Variants in KCNK2 observed in about 807,000 individuals in gnomAD.
KCNK2 encodes the protein potassium channel subfamily K member 2.
Under a neutral mutation model 40.5 loss-of-function variants are expected in KCNK2, and 21 were observed. The observed-to-expected ratio is 0.52, with a 90% CI of 0.37 to 0.75. KCNK2 has a LOEUF of 0.75. KCNK2 is among the 30% of genes least tolerant of loss of function. The probability of loss-of-function intolerance (pLI) is 0.00; values close to 1 mark genes in which losing one functional copy is unlikely to be tolerated. For synonymous variants in KCNK2, 191 were observed against 202.2 expected (o/e 0.94, Z 0.47); for missense variants, 399 against 531.6 (o/e 0.75, Z 2.45).
At chr1:215,072,973 G>T (rs1386875394) in intron 1 of KCNK2, among the ~76,000 whole-genome samples, 3 of 152,138 alleles carry the variant, frequency 2.0e-5, no homozygotes, top group Admixed American at 6.5e-5. Context: ...CAGAGGTAAT[G>T]AAGTTAAAAT....
intron 3 of KCNK2, among the ~76,000 whole-genome samples, chr1:215,139,727 A>C (rs1194732234): frequency 6.6e-6 from 1 of 152,160 alleles, no homozygotes; most frequent in Non-Finnish European, 1.5e-5. Flanking sequence ...AGGTTCAAAA[A>C]AAAAGTATAT....
intron 4 of KCNK2, among the ~76,000 whole-genome samples, chr1:215,169,628 T>C (rs1168498538): frequency 8.1e-6 from 1 of 122,952 alleles, no homozygotes; most frequent in South Asian, 2.4e-4. Flanking sequence ...TTCTTTTACT[T>C]TTTTCTTTTT....
At chr1:215,074,448 A>C (rs1256862325) in intron 1 of KCNK2, among the ~76,000 whole-genome samples, 1 of 152,194 alleles carries the variant, frequency 6.6e-6, no homozygotes, top group African/African-American at 2.4e-5. Context: ...TTCATTTTAG[A>C]AGGGAAATTG....
intron 6 of KCNK2, among the ~76,000 whole-genome samples, chr1:215,205,386 C>T (rs1314980291): frequency 2.6e-5 from 4 of 152,218 alleles, no homozygotes; most frequent in Admixed American, 6.5e-5. Flanking sequence ...TACAGGCACA[C>T]ACCACCACGC....
At chr1:215,069,662 G>T (rs939521435) in intron 1 of KCNK2, among the ~76,000 whole-genome samples, 4 of 152,098 alleles carry the variant, frequency 2.6e-5, no homozygotes, top group African/African-American at 7.2e-5. Context: ...TAACAAGTTG[G>T]GGTTTATATA....
intron 1 of KCNK2, among the ~76,000 whole-genome samples, chr1:215,045,239 A>G (rs557277255): frequency 1.3e-5 from 2 of 152,196 alleles, no homozygotes; most frequent in Admixed American, 6.5e-5. Flanking sequence ...AAAACAAAAA[A>G]GATGAACAGA....
At position 215,236,032 on chromosome 1, in the gene KCNK2, G is replaced by C. The variant is rs1415754421; in HGVS notation, c.*887G>C. On this transcript the variant is annotated 3_prime_UTR_variant, in exon 7 of 7. Coordinates refer to ENST00000444842, the MANE Select transcript of KCNK2 (RefSeq NM_001017425.3). ...TTATTAATAACTATACATTTTTAAA[G>C]GCAGAAGAAGAAAATCTATCTATCT... The C allele has an allele frequency of 3.2e-5, 3 of 93,708 alleles. No homozygotes were observed. The highest frequency in any genetic ancestry group is 7.1e-5 in the Non-Finnish European group (3 of 42,074). The allele number at this position is 93,708 out of a possible 1,614,324, so 5.8% of individuals were successfully genotyped here. A position where few individuals can be genotyped will look rare whatever the true frequency, so the allele number is the denominator to read the frequency against.
intron 3 of KCNK2, among the ~76,000 whole-genome samples, chr1:215,134,561 C>T (rs907002633): frequency 2.0e-5 from 3 of 152,144 alleles, no homozygotes; most frequent in Non-Finnish European, 1.5e-5. Flanking sequence ...ATGAAAGCTT[C>T]ATCATCTAAG....
In KCNK2 at chr1:215,082,878, G is replaced by A. The variant is rs1310570820; in HGVS notation, c.-508G>A. On this transcript the variant is annotated 5_prime_UTR_variant, in exon 1 of 7. Transcript: ENST00000444842. ...CGGGGGGAGACACACAAAGACATGCGAAGAGGGGCTGAACGAGGCTCGCGC... is the reference window on the plus strand; with the variant it reads ...CGGGGGGAGACACACAAAGACATGCAAAGAGGGGCTGAACGAGGCTCGCGC... 6.6e-6 allele frequency among the ~76,000 whole-genome samples: 1 copy of A among 151,870 alleles called. No individual in the cohort carries two copies. The highest frequency in any genetic ancestry group is 1.5e-5 in the Non-Finnish European group (1 of 67,952).
chr1:215,133,376 C>A (rs1437545103), intron 3 of KCNK2, among the ~76,000 whole-genome samples: 1 of 151,992 alleles, frequency 6.6e-6, no homozygotes, highest in Non-Finnish European at 1.5e-5. Context: ...TCTTGTCATT[C>A]CCCCTTCCTA....
At chr1:215,210,579 G>T (rs1459932197) in intron 6 of KCNK2, among the ~76,000 whole-genome samples, 1 of 152,018 alleles carries the variant, frequency 6.6e-6, no homozygotes, top group Non-Finnish European at 1.5e-5. Context: ...TTTGTTCATA[G>T]ACATGGTTTG....
At chr1:215,163,983 C>G (rs12119741) in intron 3 of KCNK2, among the ~76,000 whole-genome samples, 1 of 152,096 alleles carries the variant, frequency 6.6e-6, no homozygotes. Flanking sequence ...GGAATAGTTT[C>G]AGAAGGAATG....
chr1:215,221,756 A>G (rs1190488324), intron 6 of KCNK2, among the ~76,000 whole-genome samples: 1 of 152,240 alleles, frequency 6.6e-6, no homozygotes, highest in Non-Finnish European at 1.5e-5. Context: ...AATCAACCGT[A>G]TCTAGTTACT....
chr1:215,209,009 T>C (rs1464097804), intron 6 of KCNK2, among the ~76,000 whole-genome samples: 1 of 151,442 alleles, frequency 6.6e-6, no homozygotes, highest in African/African-American at 2.4e-5. Flanking sequence ...TGTATTTTAG[T>C]AGAGATGGGG....
intron 1 of KCNK2, among the ~76,000 whole-genome samples, chr1:215,063,861 A>G (rs145594148): frequency 8.1e-4 from 124 of 152,346 alleles, no homozygotes; most frequent in African/African-American, 2.7e-3. Context: ...GCAAAGAAAC[A>G]GAGCTCCCTT....
chr1:215,090,990 A>T (rs570445615), intron 2 of KCNK2, among the ~76,000 whole-genome samples: 2 of 152,302 alleles, frequency 1.3e-5, no homozygotes, highest in South Asian at 4.1e-4. Context: ...TGGAAAAAAA[A>T]CACATGGCTT....
At chr1:215,228,323 C>T (rs1391483457) in intron 6 of KCNK2, among the ~76,000 whole-genome samples, 2 of 152,096 alleles carry the variant, frequency 1.3e-5, no homozygotes, top group Non-Finnish European at 2.9e-5. Flanking sequence ...TTGGGAGGGA[C>T]GGAGCAGTGC....
chr1:215,166,204 G>A (rs1355994990), intron 3 of KCNK2, among the ~76,000 whole-genome samples: 3 of 152,052 alleles, frequency 2.0e-5, no homozygotes, highest in South Asian at 2.1e-4. Context: ...TAGTGTGCTC[G>A]AGGGCAGGGA....
At chr1:215,219,570 T>C (rs898570138) in intron 6 of KCNK2, among the ~76,000 whole-genome samples, 4 of 152,190 alleles carry the variant, frequency 2.6e-5, no homozygotes, top group Non-Finnish European at 5.9e-5. Flanking sequence ...TGCAGAATTT[T>C]GATTCATCCC....
Sources: gnomAD v4.1 joint callset for allele counts (sites outside exome capture counted in the v4.1 genomes callset) on GRCh38, gnomAD v4.1.1 for gene constraint, MANE v1.5 for transcripts, NCBI Gene and HGNC (gene_info 2026-07-23, HGNC 2026-07-21) for gene names.